Variants in PCK1 observed in about 807,000 individuals in gnomAD.
PCK1 encodes phosphoenolpyruvate carboxykinase, cytosolic [GTP].
In PCK1, 44 loss-of-function variants were observed where a neutral mutation model predicts 50.3. The observed-to-expected ratio is 0.87, with a 90% CI of 0.69 to 1.12. The LOEUF is 1.12. Ranked by LOEUF, PCK1 falls within the 50% of genes most tolerant of loss-of-function variation. PCK1 has a pLI of 0.00. For synonymous variants in PCK1, 332 were observed against 314.3 expected (o/e 1.06, Z -0.59); for missense variants, 790 against 815.0 (o/e 0.97, Z 0.37).
chr20:57,563,545 A>C lies in PCK1; in HGVS notation c.799-20A>C. The C allele has an allele frequency of 6.5e-7, 1 of 1,548,510 alleles. No individual in the cohort carries two copies. Reference sequence around the variant, plus strand: ...GGAGAAGGAAACAAAGATCACAATAAAGAATCTTGTCCCCAACAGATTCTG... The same window carrying C: ...GGAGAAGGAAACAAAGATCACAATACAGAATCTTGTCCCCAACAGATTCTG... On this transcript the variant is annotated intron_variant, in intron 5 of 9. Coordinates refer to ENST00000319441, the MANE Select transcript of PCK1 (RefSeq NM_002591.4).
chr20:57,565,020 C>CTTTTTT lies in PCK1; in HGVS notation c.1319-16_1319-11dup. 2 of 1,543,070 alleles carry CTTTTTT rather than the reference C, an allele frequency of 1.3e-6. No homozygotes were observed. Among genetic ancestry groups the CTTTTTT allele is most frequent in the South Asian group, 2.3e-5 (2 of 87,778 alleles). ...TTCAAAGCCTCTGATGAACATTTCT[C>CTTTTTT]TTTTTTTTTCCTGCTAAAGGTGTCC... On this transcript the variant is annotated intron_variant, in intron 8 of 9. Coordinates refer to ENST00000319441, the MANE Select transcript of PCK1 (RefSeq NM_002591.4).
chr20:57,563,292 C>A, intron 5 of PCK1, 77 bp downstream of exon 5: 2 of 1,313,216 alleles, frequency 1.5e-6, no homozygotes, highest in Non-Finnish European at 2.2e-6. Flanking sequence ...ACAGTTCCCA[C>A]CCGTCAGCAC....
chr20:57,564,533 G>T lies in PCK1; in HGVS notation c.1238G>T (p.Cys413Phe), dbSNP rs2146529955. The change falls in exon 8 of 10, where the codon TGC becomes TTC. Residue 413 changes from cysteine (C) to phenylalanine (F), a missense_variant. Coordinates refer to ENST00000319441, the MANE Select transcript of PCK1 (RefSeq NM_002591.4). ...NSRFCTPASQ[C>F]PIIDAAWESP... The stretch of plus-strand genomic sequence containing the variant: ...AGGTTCTGCACCCCTGCCAGCCAGT[G>T]CCCCATCATTGATGCTGCCTGGGAG... 3.1e-6 allele frequency: 5 copies of T among 1,614,080 alleles called. No individual in the cohort carries two copies. The highest frequency in any genetic ancestry group is 4.2e-6 in the Non-Finnish European group (5 of 1,179,958).
intron 8 of PCK1, 83 bp from the exon 9 acceptor site, chr20:57,564,957 C>G: frequency 2.0e-6 from 2 of 995,400 alleles, no homozygotes; most frequent in Non-Finnish European, 1.6e-6. Context: ...CGTGTCTTTC[C>G]GTGTTGTGAA....
chr20:57,564,307 G>C lies in PCK1; in HGVS notation c.1100G>C (p.Gly367Ala). Reference sequence around the variant, plus strand: ...AATGTGGCCGAGACCAGCGACGGGGGCGTTTACTGGGAAGGCATTGATGAG... The same window carrying C: ...AATGTGGCCGAGACCAGCGACGGGGCCGTTTACTGGGAAGGCATTGATGAG... ...FTNVAETSDG[G>A]VYWEGIDEPL... Residue 367 changes from glycine (G) to alanine (A), a missense_variant, in exon 7 of 10, where the codon GGC becomes GCC. Gly to Ala is a moderately conservative substitution (Grantham distance 60, BLOSUM62 0). Transcript: ENST00000319441. The C allele has an allele frequency of 6.2e-7, 1 of 1,614,086 alleles. No individual in the cohort carries two copies. The highest frequency in any genetic ancestry group is 1.1e-5 in the South Asian group (1 of 91,072).
At chr20:57,564,139 C>G (rs1212849976) in intron 6 of PCK1, 30 bp from the exon 7 acceptor site, 1 of 1,474,986 alleles carries the variant, frequency 6.8e-7, no homozygotes, top group South Asian at 1.1e-5. Context: ...CTGGCACTCA[C>G]TACTGCTTCT....
Position 57,563,316 on chromosome 20 carries a change from T to C in PCK1, c.798+101T>C, listed in dbSNP as rs1244752006. 4.4e-6 allele frequency: 5 copies of C among 1,146,386 alleles called. No homozygotes were observed. The East Asian group carries it at 9.4e-5, about 22-fold the overall frequency. The allele number at this position is 1,146,386 out of a possible 1,614,324, so 71.0% of individuals were successfully genotyped here. A position where few individuals can be genotyped will look rare whatever the true frequency, so the allele number is the denominator to read the frequency against. On this transcript the variant is annotated intron_variant, in intron 5 of 9. Transcript: ENST00000319441. ...ACCCGTCAGCACACCTCTCTGAGCG[T>C]GCAGGTTCCCGGACAGATCGGGAAA...
rs903313914 is a variant in PCK1, at chr20:57,566,036, C to T, written c.*232C>T. On this transcript the variant is annotated 3_prime_UTR_variant, in exon 10 of 10. Coordinates refer to ENST00000319441, the MANE Select transcript of PCK1 (RefSeq NM_002591.4). ...ATCTTAGCATGCCTCCAAAAATTCA[C>T]ATCCAATGCATAGTTTGTTCAAATT... 8 of 491,116 alleles carry T rather than the reference C, an allele frequency of 1.6e-5. No individual in the cohort carries two copies. The highest frequency in any genetic ancestry group is 1.5e-4 in the African/African-American group (8 of 51,836). The allele number at this position is 491,116 out of a possible 1,614,324, so 30.4% of individuals were successfully genotyped here. A position where few individuals can be genotyped will look rare whatever the true frequency, so the allele number is the denominator to read the frequency against.
rs73299460 is a variant in PCK1 at position 57,565,771 on chromosome 20, C to T, written c.1836C>T (p.Ile612=). ...TCCCCTGTGAAATCGAGAGAGAGAT[C>T]CTTGCCTTGAAGCAAAGAATAAGCC... The part of the protein sequence containing the change: ...ADLPCEIERE[I]LALKQRISQM The change falls in exon 10 of 10, where the codon ATC becomes ATT. Residue 612 remains isoleucine (I), a synonymous_variant. Transcript: ENST00000319441. The T allele has an allele frequency of 3.7e-4, 589 of 1,612,402 alleles. 4 individuals are homozygous for T. In the African/African-American group the frequency reaches 6.9e-3, roughly 19 times the overall value.
chr20:57,561,368 T>C lies in PCK1; in HGVS notation c.-40-4T>C, dbSNP rs2070139777. The C allele has an allele frequency of 7.7e-7, 1 of 1,291,976 alleles. No homozygotes were observed. Among genetic ancestry groups the C allele is most frequent in the Non-Finnish European group, 1.1e-6 (1 of 902,288 alleles). The allele number at this position is 1,291,976 out of a possible 1,614,324, so 80.0% of individuals were successfully genotyped here. A position where few individuals can be genotyped will look rare whatever the true frequency, so the allele number is the denominator to read the frequency against. Reference sequence around the variant, plus strand: ...GTTCAGGACGCTTGCGTTTTCTATTTCAGGTGACCTCACATTCGTGCCCCT... The same window carrying C: ...GTTCAGGACGCTTGCGTTTTCTATTCCAGGTGACCTCACATTCGTGCCCCT... On this transcript the variant is annotated splice_region_variant and splice_polypyrimidine_tract_variant and intron_variant, in intron 1 of 9. Transcript: ENST00000319441.
chr20:57,565,551 GGATGTTCAACCGGATC>G lies in PCK1; in HGVS notation c.1621_1636del (p.Phe541GlufsTer10). The G allele has an allele frequency of 6.2e-7, 1 of 1,613,986 alleles. No individual in the cohort carries two copies. The highest frequency in any genetic ancestry group is 1.3e-5 in the African/African-American group (1 of 75,040). ...GGAGAGAACTCCAGGGTGCTGGAGTGGATGTTCAACCGGATCGATGGAAAAGCCAGCACCAAGCTCA... is the reference window on the plus strand; with the variant it reads ...GGAGAGAACTCCAGGGTGCTGGAGTGGATGGAAAAGCCAGCACCAAGCTCA... On this transcript the variant is annotated frameshift_variant, in exon 10 of 10. Coordinates refer to ENST00000319441, the MANE Select transcript of PCK1 (RefSeq NM_002591.4). LOFTEE classifies it low-confidence loss of function (END_TRUNC).
intron 5 of PCK1, 152 bp from the exon 6 acceptor site, chr20:57,563,413 G>T: frequency 1.5e-6 from 1 of 687,716 alleles, no homozygotes; most frequent in Non-Finnish European, 2.4e-6. Flanking sequence ...GGACCATAGA[G>T]ATCCTTTGGA....
chr20:57,561,622 A>G lies in PCK1; in HGVS notation c.211A>G (p.Lys71Glu). The G allele has an allele frequency of 6.2e-7, 1 of 1,611,082 alleles. No individual in the cohort carries two copies. Among genetic ancestry groups the G allele is most frequent in the East Asian group, 2.2e-5 (1 of 44,880 alleles). ...EEEGILRRLKKYDNCWLALTD... is the reference protein window; with the variant it reads ...EEEGILRRLKEYDNCWLALTD... ...AGAGGGCATCCTCAGGCGGCTGAAG[A>G]AGTATGACAACTGGTAAGCTCGGCC... is the stretch of plus-strand genomic sequence containing the variant. The change falls in exon 2 of 10, where the codon AAG (lysine) becomes GAG (glutamate). Residue 71 changes from lysine (K) to glutamate (E), a missense_variant. By Grantham distance (56) the Lys-to-Glu change is moderately conservative. Transcript: ENST00000319441.
At chr20:57,563,766 T>C (rs369795226) in intron 6 of PCK1, 39 bp downstream of exon 6, 309 of 1,521,962 alleles carry the variant, frequency 2.0e-4, no homozygotes, top group Non-Finnish European at 2.5e-4. Flanking sequence ...ACGATTGGAC[T>C]CAAGCGAATC....
In PCK1 at chr20:57,561,644, G is replaced by A. The variant is rs541244011; in HGVS notation, c.224+9G>A. The A allele has an allele frequency of 1.8e-5, 28 of 1,580,316 alleles. 1 individual carries two copies. Among genetic ancestry groups the A allele is most frequent in the South Asian group, 1.2e-4 (11 of 90,440 alleles). On this transcript the variant is annotated intron_variant, in intron 2 of 9. Transcript: ENST00000319441. ...AAGAAGTATGACAACTGGTAAGCTC[G>A]GCCCCCGCTGCCTGTCCCAGCACCC...
Position 57,562,860 on chromosome 20 carries a change from A to C in PCK1, c.571A>C (p.Lys191Gln), listed in dbSNP as rs759753630. 6.2e-7 allele frequency: 1 copy of C among 1,613,678 alleles called. No individual in the cohort carries two copies. The highest frequency in any genetic ancestry group is 8.5e-7 in the Non-Finnish European group (1 of 1,179,562). ...AGCAGTGGGCGATGGGGAGTTTGTC[A>C]AATGCCTCCATTCTGTGGGGTGCCC... ...LEAVGDGEFV[K>Q]CLHSVGCPLP... The change falls in exon 4 of 10, where the codon AAA becomes CAA. Residue 191 changes from lysine (K) to glutamine (Q), a missense_variant. Physicochemically the swap from Lys to Gln is moderately conservative, Grantham distance 53. Coordinates refer to ENST00000319441, the MANE Select transcript of PCK1 (RefSeq NM_002591.4).
rs570755777 is a variant in PCK1, at chr20:57,565,232, G to A, written c.1414+97G>A. The A allele has an allele frequency of 3.9e-5, 37 of 936,796 alleles. No individual in the cohort carries two copies. In the Admixed American group the frequency reaches 5.0e-4, roughly 13 times the overall value. 58.0% of individuals were successfully genotyped at this position (936,796 alleles called of 1,614,324 possible). A position where few individuals can be genotyped will look rare whatever the true frequency, so the allele number is the denominator to read the frequency against. ...CTCCTTTTCTGTGTCTGTGTGTGGG[G>A]AGAGAGAGAGAGAGAAAGAGAGAGA... On this transcript the variant is annotated intron_variant, in intron 9 of 9. Transcript: ENST00000319441.
In PCK1 at chr20:57,561,440, A is replaced by G. The variant is rs954837713; in HGVS notation, c.29A>G (p.Asn10Ser). The change falls in exon 2 of 10, where the codon AAC (asparagine) becomes AGC (serine). Residue 10 changes from asparagine (N) to serine (S), a missense_variant. Coordinates refer to ENST00000319441, the MANE Select transcript of PCK1 (RefSeq NM_002591.4). Reference sequence around the variant, plus strand: ...CCTCCTCAGCTGCAAAACGGCCTGAACCTCTCGGCCAAAGTTGTCCAGGGA... The same window carrying G: ...CCTCCTCAGCTGCAAAACGGCCTGAGCCTCTCGGCCAAAGTTGTCCAGGGA... MPPQLQNGL[N>S]LSAKVVQGSL... 1 of 1,612,732 alleles carries G rather than the reference A, an allele frequency of 6.2e-7. No individual in the cohort carries two copies. Among genetic ancestry groups the G allele is most frequent in the Non-Finnish European group, 8.5e-7 (1 of 1,179,768 alleles).
chr20:57,562,411 C>T, intron 3 of PCK1, 159 bp downstream of exon 3: 3 of 675,760 alleles, frequency 4.4e-6, no homozygotes, highest in Non-Finnish European at 7.4e-6. Context: ...ATGCACATCC[C>T]TCTTCTGCTT....
Sources: allele counts gnomAD v4.1 joint callset, GRCh38; gene constraint gnomAD v4.1.1; transcripts MANE v1.5; gene names NCBI Gene and HGNC (gene_info 2026-07-23, HGNC 2026-07-21).